Variants in MYO1H observed in about 807,000 individuals in gnomAD.
MYO1H encodes myosin IH.
A neutral mutation model predicts 149.3 loss-of-function variants in MYO1H; 118 were observed. That is an observed-to-expected ratio of 0.79 (90% CI 0.68 to 0.92). MYO1H has a LOEUF of 0.92. Ranked by LOEUF, MYO1H falls within the 40% of genes least tolerant of loss-of-function variation. The pLI is 0.00. For synonymous variants in MYO1H, 447 were observed against 465.2 expected, an observed-to-expected ratio of 0.96 and a Z score of 0.50; for missense variants, 1,212 against 1,280.7, an observed-to-expected ratio of 0.95 and a Z score of 0.82.
chr12:109,319,127 T>C, the MYO1H span, among the ~76,000 whole-genome samples: 1 of 152,092 alleles, frequency 6.6e-6, no homozygotes, highest in East Asian at 1.9e-4. Context: ...TGCATACTCA[T>C]GTTCATAGCA....
chr12:109,335,543 A>G, the MYO1H span, among the ~76,000 whole-genome samples: 1 of 151,798 alleles, frequency 6.6e-6, no homozygotes, highest in East Asian at 1.9e-4. Context: ...TTTAGCTATT[A>G]CAATCTGTTT....
chr12:109,425,496 TAAC>T (rs1871321619), intron 17 of MYO1H, among the ~76,000 whole-genome samples: 1 of 152,188 alleles, frequency 6.6e-6, no homozygotes, highest in African/African-American at 2.4e-5. Flanking sequence ...GATTCAGCAA[TAAC>T]AAGCCAGATG....
intron 24 of MYO1H, 196 bp from the exon 25 acceptor site, chr12:109,440,548 G>T (rs1872073600): frequency 1.8e-6 from 1 of 556,728 alleles, no homozygotes; most frequent in African/African-American, 1.9e-5. Context: ...TCAAGTTTGA[G>T]AATCATTCGT....
chr12:109,380,366 A>G (rs185493509), intron 1 of MYO1H, among the ~76,000 whole-genome samples: 1 of 151,526 alleles, frequency 6.6e-6, no homozygotes, highest in Non-Finnish European at 1.5e-5. Flanking sequence ...CCGCTGACAT[A>G]AACGGTAAAA....
chr12:109,363,499 G>T (rs906841580), intron 1 of MYO1H, among the ~76,000 whole-genome samples: 1 of 152,150 alleles, frequency 6.6e-6, no homozygotes, highest in Non-Finnish European at 1.5e-5. Flanking sequence ...GATCACTTGA[G>T]GTCAAGAGTT....
At chr12:109,362,115 AC>A (rs1345615824) in intron 1 of MYO1H, among the ~76,000 whole-genome samples, 1 of 152,226 alleles carries the variant, frequency 6.6e-6, no homozygotes, top group Non-Finnish European at 1.5e-5. Flanking sequence ...TTGCTCAGCC[AC>A]CCAAAGGCTT....
chr12:109,323,347 C>G, the MYO1H span, among the ~76,000 whole-genome samples: 23,585 of 152,174 alleles, frequency 0.15, 1,944 homozygotes, highest in Middle Eastern at 0.2. Flanking sequence ...TTGGTTTGTC[C>G]GATGTTGAAA....
At chr12:109,333,133 A>G in the MYO1H span, among the ~76,000 whole-genome samples, 5 of 152,310 alleles carry the variant, frequency 3.3e-5, no homozygotes, top group East Asian at 9.7e-4. Flanking sequence ...CAGCCTGGCC[A>G]ACATGGTGAA....
At chr12:109,352,221 A>G (rs1397144682) in intron 1 of MYO1H, among the ~76,000 whole-genome samples, 1 of 152,176 alleles carries the variant, frequency 6.6e-6, no homozygotes, top group Non-Finnish European at 1.5e-5. Flanking sequence ...ACCATTGTAG[A>G]AAGGATCTTT....
chr12:109,425,822 CAA>C (rs1871330936), intron 17 of MYO1H, 122 bp from the exon 18 acceptor site: 2 of 717,346 alleles, frequency 2.8e-6, no homozygotes, highest in Admixed American at 4.7e-5. Context: ...ACTAGGAAGA[CAA>C]TCTGTCAATA....
intron 1 of MYO1H, among the ~76,000 whole-genome samples, chr12:109,374,874 A>G (rs1383213835): frequency 6.9e-6 from 1 of 144,338 alleles, no homozygotes; most frequent in South Asian, 2.1e-4. Context: ...TTTTTTTTCG[A>G]GACGAAGTCT....
upstream of MYO1H, among the ~76,000 whole-genome samples, chr12:109,344,204 A>G (rs2048095345): frequency 6.6e-6 from 1 of 152,226 alleles, no homozygotes; most frequent in South Asian, 2.1e-4. Context: ...TACTATCCAC[A>G]TGATATAACA....
At chr12:109,368,618 G>C (rs774274839) in intron 1 of MYO1H, among the ~76,000 whole-genome samples, 12 of 128,944 alleles carry the variant, frequency 9.3e-5, no homozygotes, top group Non-Finnish European at 1.6e-4. Flanking sequence ...ATCAGCCTGG[G>C]CAACAAAGCA....
intron 21 of MYO1H, among the ~76,000 whole-genome samples, chr12:109,435,864 A>C (rs1871835199): frequency 6.6e-6 from 1 of 152,208 alleles, no homozygotes; most frequent in African/African-American, 2.4e-5. Context: ...CCTCCGTAGC[A>C]GTGGGCACCA....
the MYO1H span, among the ~76,000 whole-genome samples, chr12:109,311,441 G>A: frequency 2.6e-5 from 4 of 152,158 alleles, no homozygotes; most frequent in African/African-American, 4.8e-5. Context: ...CACTGCTTTC[G>A]CTTTGTTAGA....
intron 22 of MYO1H, among the ~76,000 whole-genome samples, chr12:109,437,336 G>A (rs1273890276): frequency 6.6e-6 from 1 of 151,986 alleles, no homozygotes; most frequent in Non-Finnish European, 1.5e-5. Flanking sequence ...TTATAATTTA[G>A]CATGTTTTAA....
chr12:109,382,089 A>C (rs1007643972), intron 1 of MYO1H, among the ~76,000 whole-genome samples: 1 of 152,242 alleles, frequency 6.6e-6, no homozygotes, highest in Admixed American at 6.5e-5. Context: ...CTGGAATATC[A>C]AACTCCTAAG....
At chr12:109,419,732 T>C (rs1871088856) in intron 15 of MYO1H, among the ~76,000 whole-genome samples, 1 of 151,966 alleles carries the variant, frequency 6.6e-6, no homozygotes, top group African/African-American at 2.4e-5. Context: ...AAAATATTTG[T>C]GTAGAGACAG....
the MYO1H span, among the ~76,000 whole-genome samples, chr12:109,329,749 C>A: frequency 1.3e-5 from 2 of 152,180 alleles, no homozygotes; most frequent in Non-Finnish European, 1.5e-5. Context: ...TGCTGTGCTC[C>A]TTAAAAACAA....
Sources: gnomAD v4.1 joint callset for allele counts (sites outside exome capture counted in the v4.1 genomes callset) on GRCh38, gnomAD v4.1.1 for gene constraint, MANE v1.5 for transcripts, NCBI Gene and HGNC (gene_info 2026-07-23, HGNC 2026-07-21) for gene names.